Variants in SLC35D4 observed in about 807,000 individuals in gnomAD.
The protein encoded by SLC35D4 is UDP-N-acetylglucosamine transporter SLC35D4.
chr18:23,308,876 C>G, the SLC35D4 span, among the ~76,000 whole-genome samples: 11,522 of 139,736 alleles, frequency 0.082, 703 homozygotes, highest in Admixed American at 0.2. Context: ...CTCTCTCTCT[C>G]TGTGTGTGTG....
the SLC35D4 span, among the ~76,000 whole-genome samples, chr18:23,319,264 A>G: frequency 2.7e-5 from 4 of 149,550 alleles, no homozygotes; most frequent in African/African-American, 5.0e-5. Context: ...TTATTTATTT[A>G]TTTATTTATT....
chr18:23,376,764 T>C, the SLC35D4 span: 2 of 455,578 alleles, frequency 4.4e-6, no homozygotes, highest in South Asian at 1.6e-5. Context: ...CTGTGGAAGA[T>C]GGGGGATACC....
chr18:23,415,429 A>G, the SLC35D4 span, among the ~76,000 whole-genome samples: 1 of 152,226 alleles, frequency 6.6e-6, no homozygotes, highest in African/African-American at 2.4e-5. Flanking sequence ...GTTAAAAATT[A>G]CTTTCAAAGT....
chr18:23,413,984 C>T, the SLC35D4 span, among the ~76,000 whole-genome samples: 1 of 146,138 alleles, frequency 6.8e-6, no homozygotes, highest in Non-Finnish European at 1.5e-5. Flanking sequence ...GGGCTGGGCG[C>T]GGTGGCTCAC....
the SLC35D4 span, among the ~76,000 whole-genome samples, chr18:23,249,457 T>C: frequency 6.6e-6 from 1 of 152,112 alleles, no homozygotes; most frequent in Non-Finnish European, 1.5e-5. Flanking sequence ...CTTTGGCACA[T>C]AGAAATCAGC....
chr18:23,254,201 A>G, the SLC35D4 span, among the ~76,000 whole-genome samples: 2 of 152,238 alleles, frequency 1.3e-5, no homozygotes, highest in African/African-American at 2.4e-5. Flanking sequence ...AGATGCAATC[A>G]TTCCCACAGC....
At chr18:23,309,262 G>A in the SLC35D4 span, among the ~76,000 whole-genome samples, 3 of 136,776 alleles carry the variant, frequency 2.2e-5, no homozygotes, top group East Asian at 6.2e-4. Flanking sequence ...GTGTGTGTGT[G>A]TATAGTGGTT....
the SLC35D4 span, among the ~76,000 whole-genome samples, chr18:23,374,893 C>T: frequency 6.6e-6 from 1 of 151,962 alleles, no homozygotes; most frequent in Non-Finnish European, 1.5e-5. Flanking sequence ...GGCGGGCAGA[C>T]CACTTGAGTT....
At chr18:23,325,281 G>A in the SLC35D4 span, among the ~76,000 whole-genome samples, 1 of 151,958 alleles carries the variant, frequency 6.6e-6, no homozygotes, top group Non-Finnish European at 1.5e-5. Flanking sequence ...TTCATTTCCG[G>A]ACTTGTCCTA....
chr18:23,344,130 C>CCTCT, the SLC35D4 span, among the ~76,000 whole-genome samples: 3 of 152,148 alleles, frequency 2.0e-5, no homozygotes, highest in Non-Finnish European at 4.4e-5. Flanking sequence ...GATCCACCTG[C>CCTCT]CTCTGCCTCC....
the SLC35D4 span, among the ~76,000 whole-genome samples, chr18:23,287,293 G>A: frequency 0.024 from 3,666 of 151,802 alleles, 40 homozygotes; most frequent in Middle Eastern, 0.055. Context: ...ATTCTGTTCT[G>A]GATCTCAAAC....
chr18:23,246,265 CAA>C, the SLC35D4 span, among the ~76,000 whole-genome samples: 1 of 140,724 alleles, frequency 7.1e-6, no homozygotes, highest in Non-Finnish European at 1.5e-5. Context: ...GACTCCATCT[CAA>C]AAAAAAAAAA....
the SLC35D4 span, among the ~76,000 whole-genome samples, chr18:23,345,414 G>A: frequency 1.6e-4 from 23 of 147,100 alleles, no homozygotes; most frequent in African/African-American, 5.7e-4. Flanking sequence ...CTCGGGAGGT[G>A]GAGGTTGCAG....
the SLC35D4 span, among the ~76,000 whole-genome samples, chr18:23,424,764 T>A: frequency 6.6e-6 from 1 of 152,116 alleles, no homozygotes; most frequent in African/African-American, 2.4e-5. Flanking sequence ...CCTGGGAGGA[T>A]CGCTTGAGGC....
chr18:23,384,008 G>GA, the SLC35D4 span, among the ~76,000 whole-genome samples: 10 of 137,236 alleles, frequency 7.3e-5, 1 homozygote, highest in Middle Eastern at 0.011. Context: ...AATTGGGGGG[G>GA]GGGGGTGTGA....
At chr18:23,269,835 G>C in the SLC35D4 span, among the ~76,000 whole-genome samples, 1 of 152,222 alleles carries the variant, frequency 6.6e-6, no homozygotes, top group African/African-American at 2.4e-5. Flanking sequence ...CTTTGAACTT[G>C]AGAGAGATGA....
the SLC35D4 span, among the ~76,000 whole-genome samples, chr18:23,379,606 G>A: frequency 6.6e-6 from 1 of 152,156 alleles, no homozygotes; most frequent in Non-Finnish European, 1.5e-5. Flanking sequence ...GAGTAAAAGA[G>A]CACACAGATC....
At chr18:23,422,183 T>C in the SLC35D4 span, among the ~76,000 whole-genome samples, 3 of 152,172 alleles carry the variant, frequency 2.0e-5, no homozygotes, top group Non-Finnish European at 4.4e-5. Context: ...GTTTGTTACA[T>C]GGATATAGTG....
the SLC35D4 span, among the ~76,000 whole-genome samples, chr18:23,243,462 T>A: frequency 4.7e-5 from 7 of 148,010 alleles, no homozygotes; most frequent in Non-Finnish European, 5.9e-5. Flanking sequence ...TGGGTGTGGG[T>A]TTGGTGTTTT....
Sources: gnomAD v4.1 joint callset for allele counts (sites outside exome capture counted in the v4.1 genomes callset) on GRCh38, gnomAD v4.1.1 for gene constraint, MANE v1.5 for transcripts, NCBI Gene and HGNC (gene_info 2026-07-23, HGNC 2026-07-21) for gene names.